GNPTAB: variants seen among roughly 807,000 people sequenced by gnomAD.
The protein encoded by GNPTAB is N-acetylglucosamine-1-phosphate transferase subunits alpha and beta.
Under a neutral mutation model 136.6 loss-of-function variants are expected in GNPTAB, and 92 were observed. The observed-to-expected ratio is 0.67, with a 90% CI of 0.57 to 0.80. The LOEUF is 0.80. GNPTAB is among the 30% of genes least tolerant of loss of function. GNPTAB has a pLI of 0.00. For synonymous variants in GNPTAB, 512 were observed against 535.1 expected (o/e 0.96, Z 0.60); for missense variants, 1,343 against 1,501.8 (o/e 0.89, Z 1.75).
At chr12:101,801,231 CAAAAAAAAAAAAAA>C (rs35036983) in intron 1 of GNPTAB, among the ~76,000 whole-genome samples, 6 of 12,754 alleles carry the variant, frequency 4.7e-4, no homozygotes, top group African/African-American at 1.6e-3. Context: ...GACCCTGTCT[CAAAAAAAAAAAAAA>C]AAAAAAAAAA....
At chr12:101,753,131 G>GT (rs1952844442) in intron 19 of GNPTAB, among the ~76,000 whole-genome samples, 1 of 151,976 alleles carries the variant, frequency 6.6e-6, no homozygotes, top group Non-Finnish European at 1.5e-5. Flanking sequence ...GCATATGCCT[G>GT]TAATCCCAGC....
intron 20 of GNPTAB, among the ~76,000 whole-genome samples, chr12:101,748,767 C>T (rs1261296324): frequency 6.6e-6 from 1 of 152,094 alleles, no homozygotes; most frequent in Non-Finnish European, 1.5e-5. Flanking sequence ...AAATTGGAGA[C>T]CCATAGAAAA....
chr12:101,763,349 T>A (rs1368217466), intron 13 of GNPTAB, among the ~76,000 whole-genome samples: 1 of 152,076 alleles, frequency 6.6e-6, no homozygotes, highest in African/African-American at 2.4e-5. Context: ...ACAAGATACT[T>A]CCTAAAATGC....
chr12:101,794,993 C>T (rs1401435593), intron 2 of GNPTAB, among the ~76,000 whole-genome samples: 1 of 152,166 alleles, frequency 6.6e-6, no homozygotes, highest in East Asian at 1.9e-4. Flanking sequence ...TGCATCTGTG[C>T]ACCATCTGCA....
In GNPTAB at chr12:101,764,785, A is replaced by G. The variant is rs939594563; in HGVS notation, c.2132T>C (p.Leu711Pro). The change falls in exon 13 of 21, where the codon CTC (leucine) becomes CCC (proline). Residue 711 changes from leucine to proline, a missense_variant. Coordinates refer to ENST00000299314, the MANE Select transcript of GNPTAB (RefSeq NM_024312.5). ...TTCCAGTTGCAAATCCAAGGTATTGAGACTCAACTGGGCGTCTTTTGGAAG... is the reference window on the plus strand; with the variant it reads ...TTCCAGTTGCAAATCCAAGGTATTGGGACTCAACTGGGCGTCTTTTGGAAG... ...SLLPKDAQLS[L>P]NTLDLQLEHG... 2 of 1,614,220 alleles carry G rather than the reference A, an allele frequency of 1.2e-6. No homozygotes were observed. The highest frequency in any genetic ancestry group is 1.7e-6 in the Non-Finnish European group (2 of 1,180,032).
At chr12:101,803,391 T>C (rs1239801446) in intron 1 of GNPTAB, among the ~76,000 whole-genome samples, 1 of 152,236 alleles carries the variant, frequency 6.6e-6, no homozygotes. Context: ...GCCAGCAGCA[T>C]TTCTAATCAC....
chr12:101,761,855 A>T, intron 13 of GNPTAB, 92 bp from the exon 14 acceptor site: 1 of 935,462 alleles, frequency 1.1e-6, no homozygotes, highest in Non-Finnish European at 1.7e-6. Flanking sequence ...GGTAATAACT[A>T]GTCACGAACT....
At position 101,786,014 on chromosome 12, in the gene GNPTAB, T is replaced by C. The variant is rs34946266; in HGVS notation, c.569A>G (p.Asp190Gly). Residue 190 changes from aspartate to glycine, a missense_variant and splice_region_variant, in exon 5 of 21, where the codon GAT becomes GGT. Physicochemically the swap from Asp to Gly is moderately conservative, Grantham distance 94 (BLOSUM62 -1). Transcript: ENST00000299314. Reference sequence around the variant, plus strand: ...AAATATCCATAAAAAGATCTTACCATCCTTAGTACTGTCAAAAACAACAAC... The same window carrying C: ...AAATATCCATAAAAAGATCTTACCACCCTTAGTACTGTCAAAAACAACAAC... Reference protein sequence around the residue: ...VSVVVFDSTKDVEDAHSGLLK... With the variant: ...VSVVVFDSTKGVEDAHSGLLK... The C allele has an allele frequency of 5.0e-6, 8 of 1,604,942 alleles. No homozygotes were observed. The East Asian group carries it at 6.7e-5, about 13-fold the overall frequency.
chr12:101,768,223 T>C, intron 10 of GNPTAB, 63 bp from the exon 11 acceptor site: 1 of 1,559,644 alleles, frequency 6.4e-7, no homozygotes, highest in Non-Finnish European at 8.8e-7. Context: ...TATTCTTGAG[T>C]TAAGATTCCC....
chr12:101,810,819 C>T (rs1428812774), intron 1 of GNPTAB, among the ~76,000 whole-genome samples: 1 of 151,792 alleles, frequency 6.6e-6, no homozygotes, highest in Non-Finnish European at 1.5e-5. Flanking sequence ...TGGGGAAGGC[C>T]CAAGTGAAGT....
intron 4 of GNPTAB, among the ~76,000 whole-genome samples, chr12:101,787,280 G>T (rs1246007890): frequency 6.6e-6 from 1 of 152,008 alleles, no homozygotes; most frequent in Non-Finnish European, 1.5e-5. Context: ...TCACTTTATG[G>T]AATATTATAC....
At chr12:101,762,626 AAAT>A (rs973060472) in intron 13 of GNPTAB, among the ~76,000 whole-genome samples, 1 of 152,208 alleles carries the variant, frequency 6.6e-6, no homozygotes, top group Non-Finnish European at 1.5e-5. Flanking sequence ...ATAAATAAAT[AAAT>A]AATGGCATTT....
chr12:101,805,837 C>T (rs969131022), intron 1 of GNPTAB, among the ~76,000 whole-genome samples: 6 of 151,866 alleles, frequency 4.0e-5, no homozygotes, highest in African/African-American at 9.7e-5. Context: ...AAACATATGC[C>T]GAGGAAATTA....
intron 19 of GNPTAB, 49 bp downstream of exon 19, chr12:101,753,322 CA>C: frequency 7.8e-7 from 1 of 1,279,906 alleles, no homozygotes; most frequent in Non-Finnish European, 1.1e-6. Flanking sequence ...GATACATATG[CA>C]TGTATACACT....
At chr12:101,824,432 ATTTTCTTT>A (rs1870979792) in intron 1 of GNPTAB, among the ~76,000 whole-genome samples, 1 of 50,882 alleles carries the variant, frequency 2.0e-5, no homozygotes, top group African/African-American at 8.5e-5. Flanking sequence ...ATATATATAT[ATTTTCTTT>A]TTTTTTTTTT....
intron 15 of GNPTAB, among the ~76,000 whole-genome samples, chr12:101,760,781 C>CTTTTTTT (rs879535763): frequency 7.3e-6 from 1 of 137,226 alleles, no homozygotes; most frequent in African/African-American, 2.7e-5. Context: ...ATTTTCTTTT[C>CTTTTTTT]TTTTTTTTTT....
chr12:101,825,270 C>G (rs766860030), intron 1 of GNPTAB, among the ~76,000 whole-genome samples: 112 of 152,200 alleles, frequency 7.4e-4, no homozygotes, highest in Non-Finnish European at 1.5e-3. Context: ...ATTCTGACGA[C>G]AGCATCTTCC....
intron 3 of GNPTAB, among the ~76,000 whole-genome samples, chr12:101,789,350 A>G (rs1370282253): frequency 6.6e-6 from 1 of 152,220 alleles, no homozygotes; most frequent in African/African-American, 2.4e-5. Flanking sequence ...CACAGGCCAG[A>G]TGGATGACTG....
At chr12:101,820,782 G>A (rs776655446) in intron 1 of GNPTAB, among the ~76,000 whole-genome samples, 32 of 152,112 alleles carry the variant, frequency 2.1e-4, no homozygotes, top group Non-Finnish European at 3.7e-4. Context: ...TCCCAGCTGG[G>A]CACAGTGGCT....
Sources: gnomAD v4.1 joint callset for allele counts (sites outside exome capture counted in the v4.1 genomes callset) on GRCh38, gnomAD v4.1.1 for gene constraint, MANE v1.5 for transcripts, NCBI Gene and HGNC (gene_info 2026-07-23, HGNC 2026-07-21) for gene names.